ALDH7A1: variants seen among roughly 807,000 people sequenced by gnomAD.
ALDH7A1 encodes the protein alpha-aminoadipic semialdehyde dehydrogenase.
Under a neutral mutation model 79.9 loss-of-function variants are expected in ALDH7A1, and 63 were observed. That is an observed-to-expected ratio of 0.79 (90% CI 0.64 to 0.97). ALDH7A1 has a LOEUF of 0.97. Among genes scored for constraint, ALDH7A1 ranks in the 50% least tolerant of loss-of-function variants. ALDH7A1 has a pLI of 0.00. For missense variants in ALDH7A1, 627 were observed against 665.2 expected, an observed-to-expected ratio of 0.94 and a Z score of 0.63; for synonymous variants, 240 against 231.2, an observed-to-expected ratio of 1.04 and a Z score of -0.34.
chr5:126,576,310 T>C (rs1265567194), intron 6 of ALDH7A1, among the ~76,000 whole-genome samples: 6 of 151,714 alleles, frequency 4.0e-5, no homozygotes, highest in Non-Finnish European at 7.4e-5. Flanking sequence ...GTTTTTTCTC[T>C]TGTTAAAGTA....
chr5:126,570,143 CA>C (rs1750725507), intron 8 of ALDH7A1: 1 of 152,528 alleles, frequency 6.6e-6, no homozygotes, highest in Non-Finnish European at 1.5e-5. Context: ...GGCATGAGGG[CA>C]GGGGGAATGG....
rs370624118 is a variant in ALDH7A1 at position 126,583,961 on chromosome 5, G to A, written c.364C>T (p.Arg122Trp). Residue 122 changes from arginine (R) to tryptophan (W), a missense_variant, in exon 4 of 18, where the codon CGG (arginine) becomes TGG (tryptophan). By Grantham distance (101) the Arg-to-Trp change is moderately radical. Coordinates refer to ENST00000409134, the MANE Select transcript of ALDH7A1 (RefSeq NM_001182.5). ...EIVRQIGDAL[R>W]EKIQVLGSLV... is the part of the protein sequence containing the mutation. ...CTTCCTAGTACTTGGATCTTCTCCC[G>A]CAAGGCATCGCCAATCTGTCTTACT... The A allele has an allele frequency of 6.3e-5, 101 of 1,614,028 alleles. No individual in the cohort carries two copies. Among genetic ancestry groups the A allele is most frequent in the Admixed American group, 2.7e-4 (16 of 60,008 alleles).
intron 10 of ALDH7A1, 22 bp from the exon 11 acceptor site, chr5:126,559,356 C>G (rs752134668): frequency 6.3e-7 from 1 of 1,591,832 alleles, no homozygotes; most frequent in Non-Finnish European, 8.6e-7. Flanking sequence ...ACAAACACTT[C>G]CATCAGCGAA....
At chr5:126,593,618 C>T in intron 1 of ALDH7A1, 2 of 669,280 alleles carry the variant, frequency 3.0e-6, no homozygotes, top group East Asian at 5.4e-5. Flanking sequence ...CTGCAAAACT[C>T]GCCTCTGACA....
At chr5:126,554,611 T>C in intron 12 of ALDH7A1, 1 of 570,874 alleles carries the variant, frequency 1.8e-6, no homozygotes, top group Non-Finnish European at 3.2e-6. Flanking sequence ...TCCGTAATTG[T>C]AGTGCAAAAG....
Position 126,554,361 on chromosome 5 carries a change from G to T in ALDH7A1, c.1126C>A (p.Gln376Lys), listed in dbSNP as rs564187364. ...NVLYGPLHTK[Q>K]AVSMFLGAVE... Reference sequence around the variant, plus strand: ...GCTCCAAGAAACATGCTCACTGCCTGCTTGGTGTGGAGTGGCCCATAGAGA... The same window carrying T: ...GCTCCAAGAAACATGCTCACTGCCTTCTTGGTGTGGAGTGGCCCATAGAGA... The change falls in exon 13 of 18, where the codon CAG becomes AAG. Residue 376 changes from glutamine to lysine, a missense_variant. Coordinates refer to ENST00000409134, the MANE Select transcript of ALDH7A1 (RefSeq NM_001182.5). 5 of 1,614,106 alleles carry T rather than the reference G, an allele frequency of 3.1e-6. No homozygotes were observed. In the Admixed American group the frequency reaches 6.7e-5, roughly 22 times the overall value.
At chr5:126,585,275 A>AG (rs1245785206) in intron 3 of ALDH7A1, among the ~76,000 whole-genome samples, 6 of 152,298 alleles carry the variant, frequency 3.9e-5, no homozygotes, top group African/African-American at 1.2e-4. Context: ...TCCGGCCTGG[A>AG]TGACAAGAGT....
At chr5:126,594,977 G>A (rs769449329) in intron 1 of ALDH7A1, 30 bp downstream of exon 1, 1 of 1,565,088 alleles carries the variant, frequency 6.4e-7, no homozygotes. Context: ...AGCCCCGGCG[G>A]CTGCAGAGAT....
intron 15 of ALDH7A1, 40 bp downstream of exon 15, chr5:126,550,156 A>T (rs769201754): frequency 6.3e-7 from 1 of 1,591,208 alleles, no homozygotes; most frequent in Non-Finnish European, 8.6e-7. Flanking sequence ...CACCACATAA[A>T]TCAGACTTAT....
intron 11 of ALDH7A1, among the ~76,000 whole-genome samples, chr5:126,558,143 G>T (rs1270287653): frequency 7.9e-6 from 1 of 126,128 alleles, no homozygotes; most frequent in Non-Finnish European, 1.6e-5. Flanking sequence ...CTCCAACCTG[G>T]GCAACAGAGC....
intron 16 of ALDH7A1, among the ~76,000 whole-genome samples, chr5:126,547,867 T>A (rs1358511480): frequency 6.6e-6 from 1 of 152,016 alleles, no homozygotes; most frequent in African/African-American, 2.4e-5. Flanking sequence ...CTGGCCAACA[T>A]GGTGAAACCC....
rs750500704 is a variant in ALDH7A1 at position 126,570,849 on chromosome 5, T to C, written c.706A>G (p.Lys236Glu). The C allele has an allele frequency of 1.9e-6, 3 of 1,613,934 alleles. No individual in the cohort carries two copies. The highest frequency in any genetic ancestry group is 3.3e-5 in the Admixed American group (2 of 60,010). ...ISVAVTKIIA[K>E]VLEDNKLPGA... ...GGCAGCTTGTTGTCCTCCAGAACCT[T>C]GGCTATTATCCTAGAAAGGAAAAAG... is the stretch of plus-strand genomic sequence containing the variant. The change falls in exon 8 of 18, where the codon AAG becomes GAG. Residue 236 changes from lysine (K) to glutamate (E), a missense_variant. Physicochemically the swap from Lys to Glu is moderately conservative, Grantham distance 56. Transcript: ENST00000409134.
intron 9 of ALDH7A1, among the ~76,000 whole-genome samples, chr5:126,564,943 T>A (rs1388538227): frequency 2.0e-5 from 3 of 152,162 alleles, no homozygotes; most frequent in Non-Finnish European, 4.4e-5. Context: ...AGATACATTT[T>A]AAAAATTATA....
At chr5:126,594,134 G>GT in intron 1 of ALDH7A1, 1 of 461,446 alleles carries the variant, frequency 2.2e-6, no homozygotes, top group South Asian at 1.6e-5. Flanking sequence ...ATAAAACATT[G>GT]TTTTGAGCAG....
Position 126,554,393 on chromosome 5 carries a change from G to C in ALDH7A1, c.1094C>G (p.Pro365Arg). 1 of 1,613,652 alleles carries C rather than the reference G, an allele frequency of 6.2e-7. No homozygotes were observed. The highest frequency in any genetic ancestry group is 8.5e-7 in the Non-Finnish European group (1 of 1,179,620). ...GTGGAGTGGCCCATAGAGAACATTA[G>C]CTGGAGAGAGAAAAGGAAGGCTGGC... is the stretch of plus-strand genomic sequence containing the variant. ...AQIRVGNPWD[P>R]NVLYGPLHTK... The change falls in exon 13 of 18, where the codon CCT becomes CGT. Residue 365 changes from proline (P) to arginine (R), a missense_variant and splice_region_variant. Pro to Arg is a moderately radical substitution (Grantham distance 103). Transcript: ENST00000409134.
chr5:126,564,600 A>G (rs116532669), intron 9 of ALDH7A1: 12,511 of 1,243,586 alleles, frequency 0.01, 91 homozygotes, highest in African/African-American at 0.017. Flanking sequence ...GCTCTGAAAC[A>G]GGTAAGCATC....
rs1060857 is a variant in ALDH7A1 at position 126,544,239 on chromosome 5, G to C, written c.*726C>G. On this transcript the variant is annotated 3_prime_UTR_variant, in exon 18 of 18. Coordinates refer to ENST00000409134, the MANE Select transcript of ALDH7A1 (RefSeq NM_001182.5). ...CTCTCAAAGTGCTGGGATTATAGGCGTAAGCCACCTTGCCCAGCCTCCAGA... is the reference window on the plus strand; with the variant it reads ...CTCTCAAAGTGCTGGGATTATAGGCCTAAGCCACCTTGCCCAGCCTCCAGA... 1 of 152,460 alleles carries C rather than the reference G, an allele frequency of 6.6e-6. No individual in the cohort carries two copies. The highest frequency in any genetic ancestry group is 2.1e-4 in the South Asian group (1 of 4,838). 9.4% of individuals were successfully genotyped at this position (152,460 alleles called of 1,614,324 possible).
intron 11 of ALDH7A1, 111 bp downstream of exon 11, chr5:126,559,129 T>C (rs1750304644): frequency 1.2e-6 from 1 of 860,344 alleles, no homozygotes; most frequent in Admixed American, 2.0e-5. Flanking sequence ...GCCAGCCACA[T>C]CTAGAGAGCA....
chr5:126,550,336 C>T (rs1375641846), intron 14 of ALDH7A1, 43 bp from the exon 15 acceptor site: 1 of 1,442,624 alleles, frequency 6.9e-7, no homozygotes, highest in Non-Finnish European at 9.7e-7. Flanking sequence ...TTATAGTGTT[C>T]AAGTCAAAGT....
Sources: allele counts gnomAD v4.1 joint callset (sites outside exome capture counted in the v4.1 genomes callset), GRCh38; gene constraint gnomAD v4.1.1; transcripts MANE v1.5; gene names NCBI Gene and HGNC (gene_info 2026-07-23, HGNC 2026-07-21).